The following PHKB variants were observed in gnomAD, a reference collection of about 807,000 sequenced individuals.
The protein encoded by PHKB is phosphorylase kinase regulatory subunit beta.
In PHKB, 122 loss-of-function variants were observed where a neutral mutation model predicts 152.1. The ratio of observed to expected loss-of-function variants is 0.80; its 90% CI spans 0.69 to 0.93. PHKB has a LOEUF of 0.93. PHKB is among the 40% of genes least tolerant of loss of function. The pLI is 0.00. For synonymous variants in PHKB, 436 were observed against 464.9 expected (o/e 0.94, Z 0.80); for missense variants, 1,304 against 1,328.4 (o/e 0.98, Z 0.29).
intron 7 of PHKB, among the ~76,000 whole-genome samples, chr16:47,559,779 A>C (rs1406668508): frequency 6.6e-6 from 1 of 152,230 alleles, no homozygotes; most frequent in African/African-American, 2.4e-5. Flanking sequence ...AGAGTCACTA[A>C]GGCCAGCCCA....
intron 26 of PHKB, among the ~76,000 whole-genome samples, chr16:47,680,836 T>C (rs1353898515): frequency 1.3e-5 from 2 of 152,176 alleles, no homozygotes; most frequent in African/African-American, 2.4e-5. Flanking sequence ...TGCTCTTGCT[T>C]TTCTAGTTCT....
At chr16:47,657,391 A>G (rs1438554777) in intron 20 of PHKB, among the ~76,000 whole-genome samples, 1 of 152,206 alleles carries the variant, frequency 6.6e-6, no homozygotes, top group East Asian at 1.9e-4. Context: ...CCAACAGAAA[A>G]CAAAGGTAGG....
intron 6 of PHKB, among the ~76,000 whole-genome samples, chr16:47,523,964 G>A (rs1482901126): frequency 6.6e-6 from 1 of 152,076 alleles, no homozygotes; most frequent in Non-Finnish European, 1.5e-5. Context: ...TTTTTCATGT[G>A]TACTATGATT....
chr16:47,580,517 A>G (rs1971824837), intron 8 of PHKB, among the ~76,000 whole-genome samples, 159 bp downstream of exon 8: 2 of 151,828 alleles, frequency 1.3e-5, no homozygotes, highest in African/African-American at 4.8e-5. Context: ...TTTGCCAGTT[A>G]AATTTTAGTT....
At chr16:47,528,592 G>C (rs1395775299) in intron 6 of PHKB, among the ~76,000 whole-genome samples, 1 of 151,582 alleles carries the variant, frequency 6.6e-6, no homozygotes, top group African/African-American at 2.4e-5. Context: ...CATGGAGAAT[G>C]AGAATGTAAA....
At chr16:47,471,752 T>C (rs1969771825) in intron 1 of PHKB, among the ~76,000 whole-genome samples, 1 of 152,204 alleles carries the variant, frequency 6.6e-6, no homozygotes, top group Non-Finnish European at 1.5e-5. Context: ...GTGAGTTTAT[T>C]GAATCAGAGG....
chr16:47,573,526 T>A (rs952324149), intron 7 of PHKB, among the ~76,000 whole-genome samples: 2 of 152,202 alleles, frequency 1.3e-5, no homozygotes, highest in African/African-American at 4.8e-5. Context: ...CAGCTCTCAC[T>A]TTCTTAACAC....
rs2151738135 is a variant in PHKB, at chr16:47,663,660, T to C, written c.2279-17T>C. On this transcript the variant is annotated splice_polypyrimidine_tract_variant and intron_variant, in intron 23 of 30. Coordinates refer to ENST00000323584, the MANE Select transcript of PHKB (RefSeq NM_000293.3). ...TAAAAGCTTTGTTCAACAAAGACTC[T>C]ATTATCCAATGTCTAGGTACCGTTT... 1 of 1,606,590 alleles carries C rather than the reference T, an allele frequency of 6.2e-7. No homozygotes were observed. The highest frequency in any genetic ancestry group is 1.1e-5 in the South Asian group (1 of 90,838).
chr16:47,567,031 T>A (rs1971581440), intron 7 of PHKB: 2 of 382,572 alleles, frequency 5.2e-6, no homozygotes, highest in Non-Finnish European at 9.5e-6. Context: ...ATGTGATATC[T>A]CCAGATTTCT....
intron 26 of PHKB, among the ~76,000 whole-genome samples, chr16:47,678,476 A>T (rs1325878999): frequency 6.6e-6 from 1 of 151,986 alleles, no homozygotes; most frequent in Non-Finnish European, 1.5e-5. Flanking sequence ...CTGGTGTGAG[A>T]TGGTATCTCA....
At chr16:47,591,889 A>G (rs772645779) in intron 10 of PHKB, among the ~76,000 whole-genome samples, 2 of 152,120 alleles carry the variant, frequency 1.3e-5, no homozygotes, top group African/African-American at 2.4e-5. Flanking sequence ...CCTCCTAAAA[A>G]TCCTAAAATT....
At chr16:47,467,412 T>G (rs1363245188) in intron 1 of PHKB, among the ~76,000 whole-genome samples, 1 of 152,226 alleles carries the variant, frequency 6.6e-6, no homozygotes, top group Non-Finnish European at 1.5e-5. Context: ...TCACTGTAAC[T>G]CTAAAGAAAT....
chr16:47,482,033 A>G (rs1430040803), intron 1 of PHKB, among the ~76,000 whole-genome samples: 1 of 152,232 alleles, frequency 6.6e-6, no homozygotes, highest in African/African-American at 2.4e-5. Flanking sequence ...ACTTGATTTA[A>G]CATTGGGTTT....
chr16:47,679,092 A>G (rs1973795962), intron 26 of PHKB, among the ~76,000 whole-genome samples: 1 of 151,958 alleles, frequency 6.6e-6, no homozygotes. Flanking sequence ...GATATGTGGC[A>G]TTATTTCTGA....
intron 14 of PHKB, among the ~76,000 whole-genome samples, chr16:47,636,989 A>G (rs962393845): frequency 6.6e-6 from 1 of 152,152 alleles, no homozygotes; most frequent in Non-Finnish European, 1.5e-5. Context: ...TTCTGAGCCC[A>G]TAAAAACCAC....
Position 47,587,749 on chromosome 16 carries a change from G to T in PHKB, c.856G>T (p.Glu286Ter). The change falls in exon 9 of 31, where the codon GAA becomes TAA. Residue 286 changes from glutamate (E) to a stop codon, truncating the protein, a stop_gained. Transcript: ENST00000323584. LOFTEE classifies it high-confidence loss of function. ...AACTTTGTGCTCGCTGTTACCCAGA[G>T]AATCAAGATCACATGTGAGACATTT... The part of the protein sequence containing the change: ...RQTLCSLLPR[E>*]SRSHNTDAAL... 3 of 1,609,514 alleles carry T rather than the reference G, an allele frequency of 1.9e-6. No homozygotes were observed. Among genetic ancestry groups the T allele is most frequent in the Non-Finnish European group, 2.6e-6 (3 of 1,175,918 alleles).
chr16:47,549,324 AAT>A (rs1236610081), intron 7 of PHKB, among the ~76,000 whole-genome samples: 1 of 152,196 alleles, frequency 6.6e-6, no homozygotes. Context: ...ATAAGCATTT[AAT>A]ATATGTCAGT....
intron 26 of PHKB, among the ~76,000 whole-genome samples, chr16:47,670,366 G>A (rs1479849783): frequency 6.6e-6 from 1 of 152,028 alleles, no homozygotes; most frequent in Non-Finnish European, 1.5e-5. Context: ...CTGTAAAACT[G>A]GAATTTTAAC....
intron 7 of PHKB, among the ~76,000 whole-genome samples, chr16:47,572,291 A>G (rs938029245): frequency 2.0e-5 from 3 of 152,160 alleles, no homozygotes; most frequent in Non-Finnish European, 4.4e-5. Context: ...TTTCCACAGA[A>G]TACTTGAGTC....
Sources: allele counts gnomAD v4.1 joint callset (sites outside exome capture counted in the v4.1 genomes callset), GRCh38; gene constraint gnomAD v4.1.1; transcripts MANE v1.5; gene names NCBI Gene and HGNC (gene_info 2026-07-23, HGNC 2026-07-21).